The following ARHGEF37 variants were observed in gnomAD, a reference collection of about 807,000 sequenced individuals.
ARHGEF37 encodes Rho guanine nucleotide exchange factor 37, also known as Rho guanine nucleotide exchange factor (GEF) 37.
Under a neutral mutation model 71.1 loss-of-function variants are expected in ARHGEF37, and 55 were observed. That is an observed-to-expected ratio of 0.77 (90% CI 0.62 to 0.97). ARHGEF37 has a LOEUF of 0.97. ARHGEF37 is among the 50% of genes least tolerant of loss of function. The pLI, the probability that ARHGEF37 is intolerant of heterozygous loss-of-function variation, is 0.00. For synonymous variants in ARHGEF37, 327 were observed against 350.6 expected, an observed-to-expected ratio of 0.93 and a Z score of 0.75; for missense variants, 765 against 836.8, an observed-to-expected ratio of 0.91 and a Z score of 1.06.
intron 8 of ARHGEF37, among the ~76,000 whole-genome samples, chr5:149,621,430 C>T (rs989254152): frequency 2.6e-5 from 4 of 151,582 alleles, no homozygotes; most frequent in African/African-American, 9.7e-5. Context: ...AGAGTGAGAC[C>T]CTGTCTCAAA....
intron 1 of ARHGEF37, among the ~76,000 whole-genome samples, chr5:149,588,159 A>G (rs1339775518): frequency 6.6e-6 from 1 of 151,644 alleles, no homozygotes; most frequent in Non-Finnish European, 1.5e-5. Flanking sequence ...GGCCTCCCAA[A>G]GTGCTGGGAT....
chr5:149,616,462 T>C, intron 4 of ARHGEF37, 105 bp from the exon 5 acceptor site: 2 of 1,118,602 alleles, frequency 1.8e-6, no homozygotes, highest in Non-Finnish European at 2.5e-6. Flanking sequence ...GTGACTTGCC[T>C]GAGATCACAC....
At chr5:149,572,886 G>A (rs1453605012) in intron 1 of ARHGEF37, among the ~76,000 whole-genome samples, 3 of 152,104 alleles carry the variant, frequency 2.0e-5, no homozygotes, top group Non-Finnish European at 1.5e-5. Flanking sequence ...AGTCCATCTT[G>A]TGTTGCTATG....
At position 149,621,852 on chromosome 5, in the gene ARHGEF37, A is replaced by G; in HGVS notation, c.1125A>G (p.Glu375=). Residue 375 remains glutamate, a synonymous_variant, in exon 9 of 13, where the codon GAA becomes GAG. Transcript: ENST00000333677. The stretch of plus-strand genomic sequence containing the variant: ...AGCTACTGGACTTTGAGCGGGTGGA[A>G]GAGAAGCTGCTGGAGGTGGGCAGTG... ...LDKLLDFERV[E]EKLLEVGSVT... 1.2e-6 allele frequency: 2 copies of G among 1,614,248 alleles called. No homozygotes were observed. Among genetic ancestry groups the G allele is most frequent in the Non-Finnish European group, 1.7e-6 (2 of 1,180,048 alleles).
intron 1 of ARHGEF37, among the ~76,000 whole-genome samples, chr5:149,559,416 A>T (rs746887880): frequency 2.6e-5 from 4 of 152,226 alleles, no homozygotes; most frequent in Admixed American, 2.6e-4. Flanking sequence ...CTGTTTCCAT[A>T]TAACTAATTT....
At chr5:149,608,424 G>A (rs912408310) in intron 3 of ARHGEF37, among the ~76,000 whole-genome samples, 2 of 151,562 alleles carry the variant, frequency 1.3e-5, no homozygotes, top group East Asian at 1.9e-4. Flanking sequence ...AGGCTGGAGT[G>A]CAGTGGCGCG....
At chr5:149,552,218 C>CAAAAAAAA (rs58298279) in intron 1 of ARHGEF37, 3 of 72,742 alleles carry the variant, frequency 4.1e-5, no homozygotes, top group South Asian at 6.1e-4. Flanking sequence ...TCAACCCCAC[C>CAAAAAAAA]AAAAAAAAAA....
At chr5:149,584,687 A>G (rs755340199) in intron 1 of ARHGEF37, among the ~76,000 whole-genome samples, 4 of 151,878 alleles carry the variant, frequency 2.6e-5, no homozygotes, top group Non-Finnish European at 4.4e-5. Context: ...TCTGCTTACA[A>G]TAACCTCCAC....
intron 6 of ARHGEF37, 72 bp downstream of exon 6, chr5:149,618,378 AG>A: frequency 6.3e-7 from 1 of 1,595,918 alleles, no homozygotes; most frequent in Non-Finnish European, 8.5e-7. Flanking sequence ...GTGGGTAGAC[AG>A]GGGACTTAGG....
At chr5:149,559,359 AT>A (rs1762799734) in intron 1 of ARHGEF37, among the ~76,000 whole-genome samples, 1 of 152,168 alleles carries the variant, frequency 6.6e-6, no homozygotes, top group Admixed American at 6.5e-5. Context: ...CATGGTATAC[AT>A]TTTGTTTTGA....
In ARHGEF37 at chr5:149,600,862, C is replaced by T. The variant is rs1030392168; in HGVS notation, c.187-246C>T. Among the ~76,000 whole-genome samples the T allele has an allele frequency of 2.0e-5, 3 of 152,282 alleles. No homozygotes were observed. The East Asian group carries it at 5.8e-4, about 29-fold the overall frequency. On this transcript the variant is annotated intron_variant, in intron 2 of 12. Transcript: ENST00000333677. ...CCATCTTGGCCAGGCTGGTCTTGAA[C>T]TCCTGACCTCATGATCCACCCGCCT...
At chr5:149,618,443 G>A in intron 6 of ARHGEF37, 137 bp downstream of exon 6, 1 of 1,339,476 alleles carries the variant, frequency 7.5e-7, no homozygotes, top group Non-Finnish European at 1.0e-6. Context: ...CTGGGAAGAG[G>A]CAGAGGTGGC....
At chr5:149,606,717 C>T (rs951674118) in intron 3 of ARHGEF37, 7 of 152,144 alleles carry the variant, frequency 4.6e-5, no homozygotes, top group African/African-American at 1.7e-4. Context: ...CCAACTTTAG[C>T]GTATATGATG....
intron 1 of ARHGEF37, among the ~76,000 whole-genome samples, chr5:149,568,030 T>A (rs1273047947): frequency 1.3e-5 from 2 of 152,204 alleles, no homozygotes; most frequent in East Asian, 3.8e-4. Flanking sequence ...AGGTGCATTC[T>A]AGTGTTCTTC....
Position 149,587,892 on chromosome 5 carries a change from GTCT to G in ARHGEF37, c.-12+6270_-12+6272del, listed in dbSNP as rs1265122938. 5.1e-3 allele frequency among the ~76,000 whole-genome samples: 576 copies of G among 112,616 alleles called. 6 individuals are homozygous for G. The highest frequency in any genetic ancestry group is 0.022 in the African/African-American group (560 of 25,198). The allele number at this position is 112,616 out of a possible 152,430, so 73.9% of individuals were successfully genotyped here. On this transcript the variant is annotated intron_variant, in intron 1 of 12. Coordinates refer to ENST00000333677, the MANE Select transcript of ARHGEF37 (RefSeq NM_001001669.3). ...TTTCTGTAGGTCTTCCCTCCCTTTA[GTCT>G]TTTTTTTTTTTTTTTTTTGGAGACA...
chr5:149,578,232 C>T (rs144029303), upstream of ARHGEF37, among the ~76,000 whole-genome samples: 417 of 152,316 alleles, frequency 2.7e-3, 3 homozygotes, highest in African/African-American at 9.5e-3. Flanking sequence ...CAGCTTTTGT[C>T]GCTTGCAACC....
intron 1 of ARHGEF37, among the ~76,000 whole-genome samples, chr5:149,572,691 T>C (rs1313319795): frequency 6.6e-6 from 1 of 152,200 alleles, no homozygotes; most frequent in East Asian, 1.9e-4. Context: ...GTAAAGCAGA[T>C]TACCCTCCAT....
At chr5:149,565,852 T>TTTTTTTTTTTTTG (rs1762891398) in intron 1 of ARHGEF37, among the ~76,000 whole-genome samples, 1 of 59,668 alleles carries the variant, frequency 1.7e-5, no homozygotes, top group African/African-American at 1.3e-4. Flanking sequence ...TTTTTTTTTT[T>TTTTTTTTTTTTTG]TTTTTTTTTT....
At chr5:149,582,656 A>G (rs1763135281) in intron 1 of ARHGEF37, among the ~76,000 whole-genome samples, 2 of 121,632 alleles carry the variant, frequency 1.6e-5, no homozygotes, top group Admixed American at 1.9e-4. Flanking sequence ...AATAATTTGA[A>G]TGGTTCTAGC....
Sources: gnomAD v4.1 joint callset for allele counts (sites outside exome capture counted in the v4.1 genomes callset) on GRCh38, gnomAD v4.1.1 for gene constraint, MANE v1.5 for transcripts, NCBI Gene and HGNC (gene_info 2026-07-23, HGNC 2026-07-21) for gene names.